ANGEL2: variants seen among roughly 807,000 people sequenced by gnomAD.
ANGEL2 encodes the protein RNA 2',3'-cyclic phosphatase ANGEL2.
ANGEL2 carries 41 observed loss-of-function variants against 66.0 expected under a neutral mutation model. The ratio of observed to expected loss-of-function variants is 0.62; its 90% CI spans 0.48 to 0.81. The LOEUF (loss-of-function observed/expected upper bound fraction) is 0.81, where lower values mean the gene tolerates loss of function less well. Ranked by LOEUF, ANGEL2 falls within the 30% of genes least tolerant of loss-of-function variation. ANGEL2 has a pLI of 0.00. For synonymous variants in ANGEL2, 208 were observed against 226.5 expected, an observed-to-expected ratio of 0.92 and a Z score of 0.73; for missense variants, 561 against 641.6, an observed-to-expected ratio of 0.87 and a Z score of 1.36.
At chr1:213,004,975 A>C in intron 5 of ANGEL2, 58 bp downstream of exon 5, 1 of 1,371,886 alleles carries the variant, frequency 7.3e-7, no homozygotes, top group Non-Finnish European at 9.8e-7. Context: ...CTATCTTCAC[A>C]TTATCATGAG....
intron 3 of ANGEL2, among the ~76,000 whole-genome samples, 167 bp from the exon 4 acceptor site, chr1:213,007,365 G>A (rs544756130): frequency 2.6e-5 from 4 of 152,190 alleles, no homozygotes; most frequent in East Asian, 3.9e-4. Context: ...CCAAATTAAT[G>A]TTTCCGAATT....
At chr1:213,013,007 A>C in intron 2 of ANGEL2, 86 bp downstream of exon 2, 1 of 1,337,836 alleles carries the variant, frequency 7.5e-7, no homozygotes, top group South Asian at 1.4e-5. Flanking sequence ...CTAAAACCTT[A>C]GGAGGTTTAA....
At chr1:213,009,619 G>C (rs2076442699) in intron 2 of ANGEL2, among the ~76,000 whole-genome samples, 1 of 152,098 alleles carries the variant, frequency 6.6e-6, no homozygotes, top group South Asian at 2.1e-4. Context: ...AAGACTAAAA[G>C]GAAACACACC....
At position 212,994,812 on chromosome 1, in the gene ANGEL2, C is replaced by G. The variant is rs1349754595; in HGVS notation, c.*229G>C. 22 of 315,678 alleles carry G rather than the reference C, an allele frequency of 7.0e-5. No individual in the cohort carries two copies. Among genetic ancestry groups the G allele is most frequent in the Non-Finnish European group, 5.6e-6 (1 of 177,052 alleles). The allele number at this position is 315,678 out of a possible 1,614,324, so 19.6% of individuals were successfully genotyped here. Reference sequence around the variant, plus strand: ...TTTAGAATATAAAACCTTTACATCTCTTTTACAATAAAGAGAATTTAGAGC... The same window carrying G: ...TTTAGAATATAAAACCTTTACATCTGTTTTACAATAAAGAGAATTTAGAGC... On this transcript the variant is annotated 3_prime_UTR_variant, in exon 9 of 9. Coordinates refer to ENST00000366962, the MANE Select transcript of ANGEL2 (RefSeq NM_144567.5).
At chr1:213,011,490 T>C (rs925890946) in intron 2 of ANGEL2, 3 of 1,088,304 alleles carry the variant, frequency 2.8e-6, no homozygotes, top group Non-Finnish European at 3.4e-6. Context: ...AAAGTCAGGT[T>C]GTAATCAAGC....
At chr1:213,011,489 T>C (rs967385762) in intron 2 of ANGEL2, 5 of 1,088,320 alleles carry the variant, frequency 4.6e-6, no homozygotes, top group African/African-American at 3.3e-5. Flanking sequence ...GAAAGTCAGG[T>C]TGTAATCAAG....
At chr1:213,001,515 T>C (rs1409153963) in intron 5 of ANGEL2, 1 of 152,406 alleles carries the variant, frequency 6.6e-6, no homozygotes, top group African/African-American at 2.4e-5. Context: ...TAATGACTGC[T>C]GGCTGATCAG....
chr1:213,003,372 C>G (rs2076231863), intron 5 of ANGEL2, among the ~76,000 whole-genome samples: 1 of 152,244 alleles, frequency 6.6e-6, no homozygotes, highest in Non-Finnish European at 1.5e-5. Flanking sequence ...CTTTTGGCCT[C>G]TCTCAGCTTT....
chr1:213,008,631 A>C (rs2076411645), intron 2 of ANGEL2, among the ~76,000 whole-genome samples, 165 bp from the exon 3 acceptor site: 1 of 152,260 alleles, frequency 6.6e-6, no homozygotes, highest in Non-Finnish European at 1.5e-5. Flanking sequence ...AACTGTTATC[A>C]AATTGGTTAC....
intron 1 of ANGEL2, 98 bp downstream of exon 1, chr1:213,015,515 G>GGCCCCCCCC: frequency 8.0e-7 from 1 of 1,244,584 alleles, no homozygotes; most frequent in Non-Finnish European, 1.0e-6. Flanking sequence ...TCCACCCCTA[G>GGCCCCCCCC]CCCGCCCCGC....
In ANGEL2 at chr1:213,008,773, C is replaced by G. The variant is rs151263014; in HGVS notation, c.386-307G>C. ...ACAGAGGTTGTGGTTTCTCACTTCTCTACAGTTAAGAAGTGGCTCTGCCAC... is the reference window on the plus strand; with the variant it reads ...ACAGAGGTTGTGGTTTCTCACTTCTGTACAGTTAAGAAGTGGCTCTGCCAC... On this transcript the variant is annotated intron_variant, in intron 2 of 8. Transcript: ENST00000366962. 4.6e-3 allele frequency among the ~76,000 whole-genome samples: 702 copies of G among 152,314 alleles called. 24 individuals carry two copies. The highest frequency in any genetic ancestry group is 0.042 in the Admixed American group (640 of 15,292).
chr1:213,015,726 A>G lies in ANGEL2; in HGVS notation c.-55T>C. On this transcript the variant is annotated 5_prime_UTR_variant, in exon 1 of 9. It removes the in-frame stop codon of an upstream open reading frame in the 5' UTR. Transcript: ENST00000366962. ...GGCCCCGGGTTCCACCTCAATCTCT[A>G]TAATCGATGCGACGGCCTAAAGTAT... 6.2e-7 allele frequency: 1 copy of G among 1,611,624 alleles called. No individual in the cohort carries two copies. Among genetic ancestry groups the G allele is most frequent in the Non-Finnish European group, 8.5e-7 (1 of 1,178,008 alleles).
chr1:213,010,992 A>T (rs1174363389), intron 2 of ANGEL2, among the ~76,000 whole-genome samples: 1 of 152,178 alleles, frequency 6.6e-6, no homozygotes, highest in African/African-American at 2.4e-5. Flanking sequence ...TTTTCATGCC[A>T]TGGAACACCA....
intron 7 of ANGEL2, 114 bp from the exon 8 acceptor site, chr1:212,997,432 G>T: frequency 1.2e-6 from 1 of 865,954 alleles, no homozygotes; most frequent in South Asian, 2.1e-5. Flanking sequence ...ATTAGGACAA[G>T]CTTTATTTAA....
chr1:213,015,105 G>C lies in ANGEL2; in HGVS notation c.59+508C>G, dbSNP rs976994327. On this transcript the variant is annotated intron_variant, in intron 1 of 8. Coordinates refer to ENST00000366962, the MANE Select transcript of ANGEL2 (RefSeq NM_144567.5). Reference sequence around the variant, plus strand: ...GTGAAACAAGAACTTGGCCATAACAGTAAGGGATGACATACAAGTGACTAA... The same window carrying C: ...GTGAAACAAGAACTTGGCCATAACACTAAGGGATGACATACAAGTGACTAA... 1.9e-5 allele frequency: 19 copies of C among 986,174 alleles called. No homozygotes were observed. The Admixed American group carries it at 5.5e-4, about 29-fold the overall frequency. The allele number at this position is 986,174 out of a possible 1,614,324, so 61.1% of individuals were successfully genotyped here.
At chr1:212,996,073 C>T (rs1199543029) in intron 8 of ANGEL2, among the ~76,000 whole-genome samples, 5 of 152,048 alleles carry the variant, frequency 3.3e-5, no homozygotes, top group African/African-American at 4.8e-5. Flanking sequence ...TTTGGGAGGC[C>T]GAGGCAGGCA....
At chr1:212,999,094 G>C (rs907560391) in intron 7 of ANGEL2, among the ~76,000 whole-genome samples, 1 of 147,696 alleles carries the variant, frequency 6.8e-6, no homozygotes, top group African/African-American at 2.5e-5. Context: ...GACTGCTCTT[G>C]AACTCCTGAC....
intron 8 of ANGEL2, among the ~76,000 whole-genome samples, chr1:212,996,640 A>AAAAAAAATATATATAT (rs56102625): frequency 1.5e-5 from 1 of 66,482 alleles, no homozygotes; most frequent in African/African-American, 6.9e-5. Flanking sequence ...AAAAAAAAAA[A>AAAAAAAATATATATAT]ATATATATAT....
chr1:213,000,471 T>C lies in ANGEL2; in HGVS notation c.1262-88A>G, dbSNP rs369007535. ...TACTCTAGAAACAATATTTAAGACT[T>C]ATCTAGGTTAGAAAGATGCCTAGTT... On this transcript the variant is annotated intron_variant, in intron 6 of 8. Transcript: ENST00000366962. 1.2e-3 allele frequency: 1,383 copies of C among 1,190,088 alleles called. 22 individuals are homozygous for C. The South Asian group carries it at 0.017, about 15-fold the overall frequency. The allele number at this position is 1,190,088 out of a possible 1,614,324, so 73.7% of individuals were successfully genotyped here.
Sources: gnomAD v4.1 joint callset for allele counts (sites outside exome capture counted in the v4.1 genomes callset) on GRCh38, gnomAD v4.1.1 for gene constraint, MANE v1.5 for transcripts, NCBI Gene and HGNC (gene_info 2026-07-23, HGNC 2026-07-21) for gene names.